Variants in EDARADD observed in about 807,000 individuals in gnomAD.
The protein encoded by EDARADD is ectodysplasin-A receptor-associated adapter protein.
Under a neutral mutation model 25.6 loss-of-function variants are expected in EDARADD, and 20 were observed. The ratio of observed to expected loss-of-function variants is 0.78; its 90% CI spans 0.55 to 1.14. The LOEUF (loss-of-function observed/expected upper bound fraction) is 1.14. Ranked by LOEUF, EDARADD falls within the 50% of genes most tolerant of loss-of-function variation. EDARADD has a pLI of 0.00. For missense variants in EDARADD, 225 were observed against 270.1 expected (o/e 0.83, Z 1.17); for synonymous variants, 86 against 94.4 (o/e 0.91, Z 0.52).
At chr1:236,468,343 G>T in intron 5 of EDARADD, 67 bp downstream of exon 5, 2 of 1,552,138 alleles carry the variant, frequency 1.3e-6, no homozygotes, top group Non-Finnish European at 8.9e-7. Flanking sequence ...ATAATTTGAG[G>T]CCAGGGTCGG....
In EDARADD at chr1:236,352,929, G is replaced by A. The variant is rs372154373; in HGVS notation, c.-6+2090G>A. ...GGAGGCTGAGGCAGAAGGATCACTT[G>A]AGTCCAGGAGTTCAAGGCTGCAGTG... On this transcript the variant is annotated intron_variant, in intron 3 of 7. Coordinates refer to the EDARADD transcript ENST00000439430. Among the ~76,000 whole-genome samples, 4 of 152,026 alleles carry A rather than the reference G, an allele frequency of 2.6e-5. No individual in the cohort carries two copies. In the East Asian group the frequency reaches 7.8e-4, roughly 29 times the overall value.
chr1:236,466,610 G>A (rs1021955812), intron 4 of EDARADD, among the ~76,000 whole-genome samples: 1 of 152,170 alleles, frequency 6.6e-6, no homozygotes, highest in Non-Finnish European at 1.5e-5. Context: ...GAAAAGTCTA[G>A]CTGGTAACAC....
intron 5 of EDARADD, among the ~76,000 whole-genome samples, chr1:236,472,280 C>A (rs913438418): frequency 6.6e-6 from 1 of 152,126 alleles, no homozygotes; most frequent in Admixed American, 6.6e-5. Context: ...GGCAGGCGCT[C>A]CTGACTAAAT....
intron 4 of EDARADD, among the ~76,000 whole-genome samples, chr1:236,453,090 G>A (rs148520983): frequency 2.0e-5 from 3 of 152,188 alleles, no homozygotes; most frequent in Non-Finnish European, 2.9e-5. Context: ...TTGCCAGTTC[G>A]TTCTTCCACT....
intron 3 of EDARADD, among the ~76,000 whole-genome samples, chr1:236,379,826 T>C (rs924656783): frequency 7.2e-5 from 11 of 152,180 alleles, no homozygotes; most frequent in Admixed American, 6.5e-4. Flanking sequence ...GAATGCAAAT[T>C]CTTAATGATC....
intron 1 of EDARADD, among the ~76,000 whole-genome samples, chr1:236,405,463 C>T (rs778705543): frequency 6.6e-6 from 1 of 151,324 alleles, no homozygotes; most frequent in Non-Finnish European, 1.5e-5. Context: ...GTGTGGGATC[C>T]GGAGACCTGG....
At chr1:236,388,153 C>T (rs1047120044) in intron 3 of EDARADD, among the ~76,000 whole-genome samples, 1 of 152,020 alleles carries the variant, frequency 6.6e-6, no homozygotes, top group African/African-American at 2.4e-5. Context: ...TGTGTATCCT[C>T]CCAACACCAT....
At chr1:236,443,629 A>G (rs142318181) in intron 4 of EDARADD, among the ~76,000 whole-genome samples, 42 of 152,362 alleles carry the variant, frequency 2.8e-4, no homozygotes, top group African/African-American at 9.9e-4. Context: ...TAAAACTTGA[A>G]TGGATCAATA....
At chr1:236,410,948 C>T (rs762170223) in intron 2 of EDARADD, among the ~76,000 whole-genome samples, 4 of 152,082 alleles carry the variant, frequency 2.6e-5, no homozygotes, top group Non-Finnish European at 5.9e-5. Flanking sequence ...GAAGAACAAC[C>T]CTGTGGCCAT....
intron 3 of EDARADD, among the ~76,000 whole-genome samples, chr1:236,365,747 A>G (rs1329339393): frequency 6.6e-6 from 1 of 152,094 alleles, no homozygotes; most frequent in Non-Finnish European, 1.5e-5. Context: ...CTTTTTATCT[A>G]TATGCTAAGT....
chr1:236,455,832 C>T (rs1658844516), intron 4 of EDARADD, among the ~76,000 whole-genome samples: 1 of 152,230 alleles, frequency 6.6e-6, no homozygotes, highest in Admixed American at 6.5e-5. Context: ...CTCTGTCACC[C>T]AGGCTGGAGA....
intron 3 of EDARADD, among the ~76,000 whole-genome samples, chr1:236,386,928 T>G (rs1159947522): frequency 5.7e-5 from 2 of 34,942 alleles, no homozygotes; most frequent in Admixed American, 4.3e-4. Flanking sequence ...GGTGGGGGGG[T>G]CAGCCCCCCG....
intron 4 of EDARADD, among the ~76,000 whole-genome samples, chr1:236,440,270 G>A (rs1472667811): frequency 6.6e-6 from 1 of 152,092 alleles, no homozygotes; most frequent in Non-Finnish European, 1.5e-5. Flanking sequence ...GATTACTGTA[G>A]CTTTCCAGTA....
intron 3 of EDARADD, among the ~76,000 whole-genome samples, chr1:236,363,006 A>ATATATATATATATATATATATATATATAT (rs1553262239): frequency 2.3e-5 from 1 of 42,950 alleles, no homozygotes; most frequent in East Asian, 1.9e-3. Flanking sequence ...AAAAAAAAAA[A>ATATATATATATATATATATATATATATAT]ATATATATAT....
intron 3 of EDARADD, among the ~76,000 whole-genome samples, chr1:236,373,158 G>T (rs184128277): frequency 6.7e-6 from 1 of 150,108 alleles, no homozygotes; most frequent in African/African-American, 2.5e-5. Context: ...CTTGTGATCC[G>T]CCCGCCTTGG....
chr1:236,436,858 G>A (rs1279738362), intron 4 of EDARADD, among the ~76,000 whole-genome samples: 2 of 152,144 alleles, frequency 1.3e-5, no homozygotes, highest in South Asian at 4.1e-4. Context: ...AGTTTGCTCT[G>A]TTCATACAGC....
At position 236,483,813 on chromosome 1, in the gene EDARADD, A is replaced by T. The variant is rs1659753780; in HGVS notation, c.*1164A>T. 1 of 1,437,540 alleles carries T rather than the reference A, an allele frequency of 7.0e-7. No homozygotes were observed. The highest frequency in any genetic ancestry group is 1.4e-5 in the African/African-American group (1 of 71,386). The allele number at this position is 1,437,540 out of a possible 1,614,324, so 89.0% of individuals were successfully genotyped here. A position where few individuals can be genotyped will look rare whatever the true frequency, so the allele number is the denominator to read the frequency against. On this transcript the variant is annotated 3_prime_UTR_variant, in exon 6 of 6. Transcript: ENST00000334232. Reference sequence around the variant, plus strand: ...GGATGGAGGCGCGTTTGCTCCCAACATCCTGGAGAATAAAGAAGGCCTGGA... The same window carrying T: ...GGATGGAGGCGCGTTTGCTCCCAACTTCCTGGAGAATAAAGAAGGCCTGGA...
intron 3 of EDARADD, among the ~76,000 whole-genome samples, chr1:236,369,655 A>G (rs1261606515): frequency 2.0e-5 from 3 of 152,114 alleles, no homozygotes; most frequent in Non-Finnish European, 2.9e-5. Flanking sequence ...CAGCCTCAAC[A>G]TGGAGAGACC....
chr1:236,483,274 G>A lies in EDARADD; in HGVS notation c.*625G>A. On this transcript the variant is annotated 3_prime_UTR_variant, in exon 6 of 6. Coordinates refer to ENST00000334232, the MANE Select transcript of EDARADD (RefSeq NM_145861.4). ...GGTCTCTTCAGAGCTGCTGTGCCCA[G>A]TGGTGCTTCAACTGGTATCTATGAG... 6.3e-7 allele frequency: 1 copy of A among 1,599,862 alleles called. No individual in the cohort carries two copies. Among genetic ancestry groups the A allele is most frequent in the Non-Finnish European group, 8.6e-7 (1 of 1,169,482 alleles).
Sources: gnomAD v4.1 joint callset for allele counts (sites outside exome capture counted in the v4.1 genomes callset) on GRCh38, gnomAD v4.1.1 for gene constraint, MANE v1.5 for transcripts, NCBI Gene and HGNC (gene_info 2026-07-23, HGNC 2026-07-21) for gene names.